PTCH1: variants seen among roughly 807,000 people sequenced by gnomAD.
The protein encoded by PTCH1 is patched 1.
A neutral mutation model predicts 144.6 loss-of-function variants in PTCH1; 14 were observed. The ratio of observed to expected loss-of-function variants is 0.10; its 90% CI spans 0.06 to 0.15. The LOEUF is 0.15. Ranked by LOEUF, PTCH1 falls within the 10% of genes least tolerant of loss-of-function variation. The pLI is 1.00. For synonymous variants in PTCH1, 833 were observed against 793.6 expected (o/e 1.05, Z -0.83); for missense variants, 1,623 against 1,948.3 (o/e 0.83, Z 3.14).
rs765106589 is a variant in PTCH1 at position 95,506,446 on chromosome 9, C to T, written c.355G>A (p.Ala119Thr). ...FGAFAVGLKA[A>T]NLETNVEELW... ...TCCTCCACGTTGGTCTCGAGGTTCG[C>T]TGCTTTTAATCCCACCGCGAAGGCC... The change falls in exon 2 of 24, where the codon GCG becomes ACG. Residue 119 changes from alanine to threonine, a missense_variant. Coordinates refer to ENST00000331920, the MANE Select transcript of PTCH1 (RefSeq NM_000264.5). 1 of 1,612,810 alleles carries T rather than the reference C, an allele frequency of 6.2e-7. No homozygotes were observed.
At chr9:95,452,642 A>C (rs375210057) in intron 20 of PTCH1, 1 of 152,232 alleles carries the variant, frequency 6.6e-6, no homozygotes, top group East Asian at 1.9e-4. Flanking sequence ...AATCAACTGG[A>C]AACGACTTGC....
chr9:95,479,859 TA>T, intron 7 of PTCH1, 109 bp downstream of exon 7: 1 of 1,552,164 alleles, frequency 6.4e-7, no homozygotes, highest in Non-Finnish European at 8.9e-7. Context: ...CTAGCGAGGA[TA>T]ACGGTTTAAG....
intron 13 of PTCH1, 98 bp downstream of exon 13, chr9:95,469,715 C>G: frequency 4.1e-6 from 5 of 1,215,122 alleles, no homozygotes; most frequent in Non-Finnish European, 6.1e-6. Flanking sequence ...GCACAAACCC[C>G]GTTACCCACA....
In PTCH1 at chr9:95,474,238, G is replaced by A. The variant is rs1840839683; in HGVS notation, c.1728+1796C>T. On this transcript the variant is annotated intron_variant, in intron 12 of 23. Coordinates refer to ENST00000331920, the MANE Select transcript of PTCH1 (RefSeq NM_000264.5). ...AGTGAGCAAAAAGGCAAGCAGAAAA[G>A]AAGGGGAGAGGAGAGAGAATGGGCA... 4.2e-5 allele frequency: 14 copies of A among 331,658 alleles called. 1 individual carries two copies. The highest frequency in any genetic ancestry group is 3.6e-4 in the South Asian group (14 of 39,192). 20.5% of individuals were successfully genotyped at this position (331,658 alleles called of 1,614,324 possible). A position where few individuals can be genotyped will look rare whatever the true frequency, so the allele number is the denominator to read the frequency against.
At chr9:95,516,548 T>C in exon 1 of PTCH1, 2 of 1,543,114 alleles carry the variant, frequency 1.3e-6, no homozygotes, top group Non-Finnish European at 1.7e-6. Flanking sequence ...ATCAATTCCT[T>C]TTTTTTCCCT....
At chr9:95,498,332 G>C (rs1842924328) in intron 2 of PTCH1, among the ~76,000 whole-genome samples, 1 of 152,104 alleles carries the variant, frequency 6.6e-6, no homozygotes. Context: ...CTCACACCTG[G>C]GTTTCTGGAT....
Position 95,458,774 on chromosome 9 carries a change from T to C in PTCH1, c.2888-481A>G, listed in dbSNP as rs1839193797. Among the ~76,000 whole-genome samples, 1 of 152,242 alleles carries C rather than the reference T, an allele frequency of 6.6e-6. No homozygotes were observed. Among genetic ancestry groups the C allele is most frequent in the African/African-American group, 2.4e-5 (1 of 41,468 alleles). The stretch of plus-strand genomic sequence containing the variant: ...AAGTCTTCAGCAACAGGGGAAGAAA[T>C]CCTTACACAACAAGCATTTAGTTAC... On this transcript the variant is annotated intron_variant, in intron 17 of 23. Coordinates refer to ENST00000331920, the MANE Select transcript of PTCH1 (RefSeq NM_000264.5). The surrounding 1 kb of genome is among the most constrained non-coding windows in gnomAD (Gnocchi z 4.7).
chr9:95,502,573 G>C (rs955659906), intron 2 of PTCH1, among the ~76,000 whole-genome samples: 18 of 152,160 alleles, frequency 1.2e-4, no homozygotes, highest in African/African-American at 4.3e-4. Context: ...AAACTGATTT[G>C]ACAATTTTGA....
upstream of PTCH1, among the ~76,000 whole-genome samples, chr9:95,509,313 C>T (rs1434523855): frequency 1.3e-5 from 2 of 152,182 alleles, no homozygotes; most frequent in Admixed American, 6.5e-5. Flanking sequence ...GAGCTCCCGC[C>T]CCCGGGGCTG....
intron 2 of PTCH1, 160 bp downstream of exon 2, chr9:95,506,247 T>G (rs1391441101): frequency 2.4e-6 from 2 of 823,234 alleles, no homozygotes; most frequent in South Asian, 1.9e-5. Flanking sequence ...CGGGCGGGCC[T>G]GGCTCCCGGC....
intron 7 of PTCH1, 83 bp downstream of exon 7, chr9:95,479,886 A>G: frequency 6.3e-7 from 1 of 1,597,188 alleles, no homozygotes; most frequent in Admixed American, 1.7e-5. Flanking sequence ...ATACAAATAC[A>G]CTTGCCGATG....
Position 95,447,312 on chromosome 9 carries a change from G to C in PTCH1, c.3944C>G (p.Pro1315Arg), listed in dbSNP as rs357564. Residue 1315 changes from proline (P) to arginine (R), a missense_variant, in exon 23 of 24, where the codon CCC becomes CGC. Physicochemically the swap from Pro to Arg is moderately radical, Grantham distance 103. Coordinates refer to ENST00000331920, the MANE Select transcript of PTCH1 (RefSeq NM_000264.5). ...AAAAGCGTCTCTGCGCGGTCTGTAG[G>C]GGGGTGGCCACAAGCCTTCTCTGGG... is the stretch of plus-strand genomic sequence containing the variant. The part of the protein sequence containing the change: ...DPPREGLWPP[P>R]YRPRRDAFEI... The C allele has an allele frequency of 6.2e-6, 10 of 1,612,906 alleles. No individual in the cohort carries two copies. In the East Asian group the frequency reaches 6.7e-5, roughly 11 times the overall value.
intron 1 of PTCH1, 187 bp from the exon 2 acceptor site, chr9:95,506,786 A>C (rs1462558294): frequency 9.2e-7 from 1 of 1,086,576 alleles, no homozygotes; most frequent in East Asian, 3.5e-5. Flanking sequence ...TCGGTCATAA[A>C]GCCGGGCCGC....
chr9:95,454,204 A>G (rs1474322948), intron 19 of PTCH1, among the ~76,000 whole-genome samples: 1 of 152,268 alleles, frequency 6.6e-6, no homozygotes, highest in Non-Finnish European at 1.5e-5. Flanking sequence ...TCTCTCCTGC[A>G]GTCCTAAAGC....
chr9:95,448,899 A>G (rs1457147403), intron 22 of PTCH1, among the ~76,000 whole-genome samples, 170 bp downstream of exon 22: 2 of 152,230 alleles, frequency 1.3e-5, no homozygotes, highest in Non-Finnish European at 2.9e-5. Flanking sequence ...TATAGTTGAG[A>G]AAGAGTTAAA....
At chr9:95,485,061 C>G (rs1018030170) in intron 3 of PTCH1, among the ~76,000 whole-genome samples, 3 of 151,980 alleles carry the variant, frequency 2.0e-5, no homozygotes, top group African/African-American at 7.2e-5. Flanking sequence ...CAAAAATTAG[C>G]CAGGTGTGGT....
At position 95,461,828 on chromosome 9, in the gene PTCH1, C is replaced by A. The variant is rs367802633; in HGVS notation, c.2703+28G>T. On this transcript the variant is annotated intron_variant, in intron 16 of 23. Transcript: ENST00000331920. ...GGCAGCGGCCCCGCAGCCCTGGAAG[C>A]GCCCTCAGTGCCCAGCAGCTGGAGT... is the stretch of plus-strand genomic sequence containing the variant. 20 of 1,613,552 alleles carry A rather than the reference C, an allele frequency of 1.2e-5. No homozygotes were observed. The South Asian group carries it at 2.0e-4, about 16-fold the overall frequency.
At chr9:95,507,567 C>T in intron 1 of PTCH1, 1 of 459,064 alleles carries the variant, frequency 2.2e-6, no homozygotes, top group Non-Finnish European at 2.9e-6. Flanking sequence ...ACCTGGAAAA[C>T]GGGGGGGATA....
chr9:95,502,887 G>A (rs1202811072), intron 2 of PTCH1, among the ~76,000 whole-genome samples: 2 of 152,266 alleles, frequency 1.3e-5, no homozygotes, highest in East Asian at 1.9e-4. Context: ...AGCCTTTCGA[G>A]TGGATCCCTT....
Sources: gnomAD v4.1 joint callset for allele counts (sites outside exome capture counted in the v4.1 genomes callset) on GRCh38, gnomAD v4.1.1 for gene constraint, Gnocchi (gnomAD v3.1) non-coding constraint, MANE v1.5 for transcripts, NCBI Gene and HGNC (gene_info 2026-07-23, HGNC 2026-07-21) for gene names.